FMOD: variants seen among roughly 807,000 people sequenced by gnomAD.
FMOD encodes KSPG fibromodulin.
A neutral mutation model predicts 27.0 loss-of-function variants in FMOD; 15 were observed. The ratio of observed to expected loss-of-function variants is 0.55; its 90% CI spans 0.37 to 0.85. The LOEUF (loss-of-function observed/expected upper bound fraction) is 0.85. Ranked by LOEUF, FMOD falls within the 40% of genes least tolerant of loss-of-function variation. The pLI, the probability that FMOD is intolerant of heterozygous loss-of-function variation, is 0.00. For synonymous variants in FMOD, 210 were observed against 214.0 expected, an observed-to-expected ratio of 0.98 and a Z score of 0.16; for missense variants, 460 against 483.2, an observed-to-expected ratio of 0.95 and a Z score of 0.45.
intron 1 of FMOD, among the ~76,000 whole-genome samples, chr1:203,349,984 A>G (rs977956006): frequency 1.3e-5 from 2 of 152,182 alleles, no homozygotes; most frequent in African/African-American, 4.8e-5. Flanking sequence ...GCCAGGAGAG[A>G]AGACGAATGG....
rs757350202 is a variant in FMOD, at chr1:203,347,546, A to G, written c.725T>C (p.Leu242Pro). 6.2e-7 allele frequency: 1 copy of G among 1,614,216 alleles called. No homozygotes were observed. Among genetic ancestry groups the G allele is most frequent in the East Asian group, 2.2e-5 (1 of 44,888 alleles). Residue 242 changes from leucine (L) to proline (P), a missense_variant, in exon 2 of 3, where the codon CTG (leucine) becomes CCG (proline). By Grantham distance (98) the Leu-to-Pro change is moderately conservative. Coordinates refer to ENST00000354955, the MANE Select transcript of FMOD (RefSeq NM_002023.5). ...YNHLRKVPDG[L>P]PSALEQLYME... ...GTACAGCTGCTCAAGAGCTGAGGGC[A>G]GCCCATCAGGCACCTTCCGAAGGTG...
At chr1:203,344,104 G>A (rs1339477282) in intron 2 of FMOD, among the ~76,000 whole-genome samples, 2 of 152,198 alleles carry the variant, frequency 1.3e-5, no homozygotes, top group African/African-American at 4.8e-5. Flanking sequence ...TGGCCTCTGA[G>A]TGAGCAGGTT....
chr1:203,348,839 C>A (rs546976129), intron 1 of FMOD, among the ~76,000 whole-genome samples: 6 of 152,352 alleles, frequency 3.9e-5, no homozygotes, highest in African/African-American at 1.4e-4. Context: ...GTCTCTTGGG[C>A]AGGCTGGGAG....
chr1:203,342,542 G>A (rs2102300883), intron 2 of FMOD, 48 bp from the exon 3 acceptor site: 3 of 1,579,332 alleles, frequency 1.9e-6, no homozygotes, highest in Non-Finnish European at 2.6e-6. Flanking sequence ...CCCAGATTAC[G>A]AACCTGAAGC....
At chr1:203,343,152 A>G (rs1658826764) in intron 2 of FMOD, among the ~76,000 whole-genome samples, 1 of 152,240 alleles carries the variant, frequency 6.6e-6, no homozygotes, top group Non-Finnish European at 1.5e-5. Context: ...CAAAAGTCAA[A>G]TAAATAATTT....
At position 203,348,258 on chromosome 1, in the gene FMOD, A is replaced by AG; in HGVS notation, c.12dup (p.Ser5LeufsTer17). The AG allele has an allele frequency of 6.2e-7, 1 of 1,613,354 alleles. No homozygotes were observed. The highest frequency in any genetic ancestry group is 8.5e-7 in the Non-Finnish European group (1 of 1,179,592). On this transcript the variant is annotated frameshift_variant, in exon 2 of 3. Transcript: ENST00000354955. LOFTEE classifies it high-confidence loss of function. ...AAGAGCCCTGCCAGCAGCAGGAGGG[A>AG]GGTCCACTGCATTTTGTCTCTGCAA...
Position 203,347,607 on chromosome 1 carries a change from G to A in FMOD, c.664C>T (p.Leu222Phe). 4.3e-6 allele frequency: 7 copies of A among 1,614,186 alleles called. No individual in the cohort carries two copies. Among genetic ancestry groups the A allele is most frequent in the Non-Finnish European group, 5.9e-6 (7 of 1,180,026 alleles). Reference sequence around the variant, plus strand: ...AGGTCCAGCAAGATCAGTGACCGGAGGCCCCTCATGGAACTGCCCACTTCC... The same window carrying A: ...AGGTCCAGCAAGATCAGTGACCGGAAGCCCCTCATGGAACTGCCCACTTCC... Reference protein sequence around the residue: ...IQEVGSSMRGLRSLILLDLSY... With the variant: ...IQEVGSSMRGFRSLILLDLSY... The change falls in exon 2 of 3, where the codon CTC (leucine) becomes TTC (phenylalanine). Residue 222 changes from leucine to phenylalanine, a missense_variant. Physicochemically the swap from Leu to Phe is conservative, Grantham distance 22 (BLOSUM62 0). Transcript: ENST00000354955.
At position 203,347,300 on chromosome 1, in the gene FMOD, C is replaced by T. The variant is rs200157198; in HGVS notation, c.971G>A (p.Arg324Lys). The T allele has an allele frequency of 1.9e-6, 3 of 1,610,250 alleles. No individual in the cohort carries two copies. Among genetic ancestry groups the T allele is most frequent in the Non-Finnish European group, 2.5e-6 (3 of 1,178,184 alleles). The change falls in exon 2 of 3, where the codon AGG becomes AAG. Residue 324 changes from arginine (R) to lysine (K), a missense_variant. Physicochemically the swap from Arg to Lys is conservative, Grantham distance 26. Transcript: ENST00000354955. ...CTTTGCCAAGGTCTCACCATTGATCCTATTGCCTTGGAGGTAGAGGTTCTC... is the reference window on the plus strand; with the variant it reads ...CTTTGCCAAGGTCTCACCATTGATCTTATTGCCTTGGAGGTAGAGGTTCTC... ...NLENLYLQGN[R>K]INEFSISSFC...
Position 203,342,349 on chromosome 1 carries a change from C to G in FMOD, c.1125G>C (p.Glu375Asp), listed in dbSNP as rs768385270. The part of the protein sequence containing the change: ...PLCLRLASLI[E>D]I Reference sequence around the variant, plus strand: ...TACCCGGTGCCAGGGCTGCTCAGATCTCGATGAGGCTGGCAAGGCGCAGGC... The same window carrying G: ...TACCCGGTGCCAGGGCTGCTCAGATGTCGATGAGGCTGGCAAGGCGCAGGC... The change falls in exon 3 of 3, where the codon GAG becomes GAC. Residue 375 changes from glutamate to aspartate, a missense_variant. Glu to Asp is a conservative substitution (Grantham distance 45). Coordinates refer to ENST00000354955, the MANE Select transcript of FMOD (RefSeq NM_002023.5). 5 of 1,611,228 alleles carry G rather than the reference C, an allele frequency of 3.1e-6. No homozygotes were observed. The Middle Eastern group carries it at 5.0e-4, about 161-fold the overall frequency.
At chr1:203,343,832 G>A (rs10800912) in intron 2 of FMOD, among the ~76,000 whole-genome samples, 117,778 of 152,178 alleles carry the variant, frequency 0.77, 46,178 homozygotes, top group Middle Eastern at 0.87. Context: ...TAAAGAGGCT[G>A]ATGAAAAAAG....
chr1:203,345,855 GCCACTGCA>G (rs937490504), intron 2 of FMOD, among the ~76,000 whole-genome samples: 6 of 144,436 alleles, frequency 4.2e-5, no homozygotes, highest in African/African-American at 1.0e-4. Context: ...CTGAGATCAT[GCCACTGCA>G]CTCCGGCCTG....
At chr1:203,347,269 G>C (rs200014281) in intron 2 of FMOD, 23 bp downstream of exon 2, 2 of 1,579,464 alleles carry the variant, frequency 1.3e-6, no homozygotes, top group Non-Finnish European at 1.7e-6. Flanking sequence ...GCCAGTCCCC[G>C]CCTCCCTTTG....
At chr1:203,345,586 T>C (rs184234679) in intron 2 of FMOD, among the ~76,000 whole-genome samples, 2 of 152,222 alleles carry the variant, frequency 1.3e-5, no homozygotes, top group African/African-American at 4.8e-5. Context: ...ATGTCAAACG[T>C]CTGCAGCTTG....
intron 1 of FMOD, among the ~76,000 whole-genome samples, chr1:203,350,218 A>C (rs1460067376): frequency 6.6e-6 from 1 of 152,160 alleles, no homozygotes; most frequent in Non-Finnish European, 1.5e-5. Flanking sequence ...TGGGTGCTGA[A>C]AGGGTTTGAT....
rs577272275 is a variant in FMOD at position 203,342,748 on chromosome 1, A to G, written c.980-254T>C. ...CTGAACTTTACTCTGCAGGCCCAGGAATGTTCTTAAGCGTCCTTCCCTCTG... is the reference window on the plus strand; with the variant it reads ...CTGAACTTTACTCTGCAGGCCCAGGGATGTTCTTAAGCGTCCTTCCCTCTG... On this transcript the variant is annotated intron_variant, in intron 2 of 2. Coordinates refer to ENST00000354955, the MANE Select transcript of FMOD (RefSeq NM_002023.5). Among the ~76,000 whole-genome samples, 307 of 151,784 alleles carry G rather than the reference A, an allele frequency of 2.0e-3. 2 individuals carry two copies. Among genetic ancestry groups the G allele is most frequent in the Non-Finnish European group, 3.6e-3 (242 of 67,918 alleles).
Position 203,340,772 on chromosome 1 carries a change from A to T in FMOD, c.*1571T>A, listed in dbSNP as rs570016807. On this transcript the variant is annotated 3_prime_UTR_variant, in exon 3 of 3. Coordinates refer to ENST00000354955, the MANE Select transcript of FMOD (RefSeq NM_002023.5). ...GGCAGGGGGCAGCCTTGCCCCTCAC[A>T]TCGGAGCTCCTTTGTTGAAATGAGC... 1.3e-5 allele frequency: 2 copies of T among 152,260 alleles called. No homozygotes were observed. Among genetic ancestry groups the T allele is most frequent in the Non-Finnish European group, 2.9e-5 (2 of 68,048 alleles). The allele number at this position is 152,260 out of a possible 1,614,324, so 9.4% of individuals were successfully genotyped here.
chr1:203,350,015 G>C (rs532919941), intron 1 of FMOD, among the ~76,000 whole-genome samples: 1 of 152,240 alleles, frequency 6.6e-6, no homozygotes, highest in Non-Finnish European at 1.5e-5. Flanking sequence ...TGCCAACAGA[G>C]CATTTTTCCA....
chr1:203,350,605 A>G (rs1658975174), intron 1 of FMOD, among the ~76,000 whole-genome samples: 1 of 151,790 alleles, frequency 6.6e-6, no homozygotes, highest in Non-Finnish European at 1.5e-5. Flanking sequence ...ACACACACAC[A>G]TTCTACACAA....
intron 2 of FMOD, 29 bp from the exon 3 acceptor site, chr1:203,342,523 G>A (rs1474911269): frequency 6.2e-7 from 1 of 1,600,544 alleles, no homozygotes; most frequent in Non-Finnish European, 8.5e-7. Flanking sequence ...CACGGGTCAG[G>A]GAGAGAAGCC....
Sources: allele counts gnomAD v4.1 joint callset (sites outside exome capture counted in the v4.1 genomes callset), GRCh38; gene constraint gnomAD v4.1.1; transcripts MANE v1.5; gene names NCBI Gene and HGNC (gene_info 2026-07-23, HGNC 2026-07-21).